RCAN3: variants seen among roughly 807,000 people sequenced by gnomAD.
The protein encoded by RCAN3 is calcipressin-3.
In RCAN3, 19 loss-of-function variants were observed where a neutral mutation model predicts 21.9. That is an observed-to-expected ratio of 0.87 (90% CI 0.61 to 1.27). RCAN3 has a LOEUF of 1.27. RCAN3 is among the 50% of genes most tolerant of loss of function. The pLI is 0.00. For synonymous variants in RCAN3, 114 were observed against 112.3 expected (o/e 1.01, Z -0.09); for missense variants, 240 against 300.1 (o/e 0.80, Z 1.48).
chr1:24,512,709 A>G (rs1301351050), intron 1 of RCAN3, among the ~76,000 whole-genome samples: 1 of 152,194 alleles, frequency 6.6e-6, no homozygotes, highest in Non-Finnish European at 1.5e-5. Flanking sequence ...GTATTGAGGT[A>G]GTAATCATAA....
At chr1:24,526,400 A>G (rs1306237518) in intron 2 of RCAN3, among the ~76,000 whole-genome samples, 1 of 151,638 alleles carries the variant, frequency 6.6e-6, no homozygotes, top group Non-Finnish European at 1.5e-5. Context: ...CAGGTATTGG[A>G]TTTTGGAAGA....
At chr1:24,527,822 G>A (rs1649398008) in intron 2 of RCAN3, among the ~76,000 whole-genome samples, 1 of 152,090 alleles carries the variant, frequency 6.6e-6, no homozygotes, top group Non-Finnish European at 1.5e-5. Flanking sequence ...TATGTTTTCT[G>A]TAAAGAAAAT....
chr1:24,535,394 A>T lies in RCAN3; in HGVS notation c.*117A>T. The T allele has an allele frequency of 1.7e-6, 2 of 1,163,628 alleles. No homozygotes were observed. The highest frequency in any genetic ancestry group is 1.2e-6 in the Non-Finnish European group (1 of 865,210). The allele number at this position is 1,163,628 out of a possible 1,614,324, so 72.1% of individuals were successfully genotyped here. A position where few individuals can be genotyped will look rare whatever the true frequency, so the allele number is the denominator to read the frequency against. Reference sequence around the variant, plus strand: ...GGTGAGACTCTGCCGAGTGAGGTATAGGTCTTCTCACCACGCCTGTACTGC... The same window carrying T: ...GGTGAGACTCTGCCGAGTGAGGTATTGGTCTTCTCACCACGCCTGTACTGC... On this transcript the variant is annotated 3_prime_UTR_variant, in exon 5 of 5. Coordinates refer to ENST00000374395, the MANE Select transcript of RCAN3 (RefSeq NM_013441.4).
chr1:24,522,234 C>T (rs771311161), intron 2 of RCAN3, among the ~76,000 whole-genome samples: 2 of 152,094 alleles, frequency 1.3e-5, no homozygotes, highest in Non-Finnish European at 2.9e-5. Context: ...TGTTTGGCTC[C>T]ACTTTAACCC....
At chr1:24,533,553 A>C (rs914374445) in intron 4 of RCAN3, among the ~76,000 whole-genome samples, 1 of 152,222 alleles carries the variant, frequency 6.6e-6, no homozygotes, top group Non-Finnish European at 1.5e-5. Flanking sequence ...TAATCCTAGC[A>C]CTTTGGGAGG....
intron 2 of RCAN3, among the ~76,000 whole-genome samples, chr1:24,517,016 C>A (rs1346403527): frequency 1.3e-5 from 2 of 151,768 alleles, no homozygotes; most frequent in African/African-American, 4.8e-5. Context: ...AGATGAATTG[C>A]CAATTTATGT....
At position 24,536,314 on chromosome 1, in the gene RCAN3, C is replaced by T. The variant is rs1650224022; in HGVS notation, c.*1037C>T. 1 of 152,178 alleles carries T rather than the reference C, an allele frequency of 6.6e-6. No homozygotes were observed. Among genetic ancestry groups the T allele is most frequent in the Non-Finnish European group, 1.5e-5 (1 of 68,030 alleles). The allele number at this position is 152,178 out of a possible 1,614,324, so 9.4% of individuals were successfully genotyped here. On this transcript the variant is annotated 3_prime_UTR_variant, in exon 5 of 5. Transcript: ENST00000374395. ...AGCTTGCTTTGAAACAAAAGTCACA[C>T]CTACTATTTTTCTATGAATTAGGGA...
At chr1:24,531,030 T>C (rs1228724263) in intron 2 of RCAN3, among the ~76,000 whole-genome samples, 188 bp from the exon 3 acceptor site, 1 of 152,148 alleles carries the variant, frequency 6.6e-6, no homozygotes, top group East Asian at 1.9e-4. Flanking sequence ...ATAAAGTAAG[T>C]GTAATTGCTA....
At chr1:24,504,662 A>G (rs1039941755) in intron 1 of RCAN3, among the ~76,000 whole-genome samples, 2 of 152,216 alleles carry the variant, frequency 1.3e-5, no homozygotes, top group Admixed American at 6.5e-5. Flanking sequence ...TGACGCGGAA[A>G]TCCATTAGCC....
chr1:24,535,298 G>T lies in RCAN3; in HGVS notation c.*21G>T. 1 of 1,514,714 alleles carries T rather than the reference G, an allele frequency of 6.6e-7. No homozygotes were observed. Among genetic ancestry groups the T allele is most frequent in the Non-Finnish European group, 8.8e-7 (1 of 1,138,814 alleles). The allele number at this position is 1,514,714 out of a possible 1,614,324, so 93.8% of individuals were successfully genotyped here. On this transcript the variant is annotated 3_prime_UTR_variant, in exon 5 of 5. Coordinates refer to ENST00000374395, the MANE Select transcript of RCAN3 (RefSeq NM_013441.4). The stretch of plus-strand genomic sequence containing the variant: ...TGTGAGGCCCTTGGTTGTGGTGCGA[G>T]GCGGCTGCCCTGGTGGGCTCTGGCC...
chr1:24,514,915 G>A (rs544605662), intron 2 of RCAN3, among the ~76,000 whole-genome samples: 1 of 151,076 alleles, frequency 6.6e-6, no homozygotes, highest in Non-Finnish European at 1.5e-5. Context: ...GTTGCAAAGA[G>A]CTGAGAACAT....
At chr1:24,514,164 A>T (rs1474307231) in intron 1 of RCAN3, 150 bp from the exon 2 acceptor site, 1 of 409,766 alleles carries the variant, frequency 2.4e-6, no homozygotes, top group African/African-American at 2.0e-5. Context: ...GAATTCACTT[A>T]CGAGGACTGT....
At chr1:24,518,073 C>G (rs150349762) in intron 2 of RCAN3, among the ~76,000 whole-genome samples, 55 of 152,144 alleles carry the variant, frequency 3.6e-4, no homozygotes, top group African/African-American at 1.3e-3. Flanking sequence ...ACCCATAGTC[C>G]CAGCACTTTG....
chr1:24,532,131 A>G (rs1014067772), intron 3 of RCAN3, among the ~76,000 whole-genome samples: 5 of 152,218 alleles, frequency 3.3e-5, no homozygotes, highest in Admixed American at 2.0e-4. Flanking sequence ...ATGGAGTACA[A>G]ATAAGTCCAT....
At chr1:24,514,231 A>G (rs916811128) in intron 1 of RCAN3, 83 bp from the exon 2 acceptor site, 1 of 593,710 alleles carries the variant, frequency 1.7e-6, no homozygotes, top group African/African-American at 1.9e-5. Context: ...TCATTTGATG[A>G]ATTGCAGCCT....
At chr1:24,505,709 A>G (rs1374390432) in intron 1 of RCAN3, among the ~76,000 whole-genome samples, 1 of 152,234 alleles carries the variant, frequency 6.6e-6, no homozygotes, top group Non-Finnish European at 1.5e-5. Context: ...GGACACTTGT[A>G]GAGCTGATAA....
rs1489914777 is a variant in RCAN3, at chr1:24,539,569, A to T, written c.*4292A>T. On this transcript the variant is annotated 3_prime_UTR_variant, in exon 5 of 5. Transcript: ENST00000374395. ...TGGAAATAAAAGAGTTTGCAGTGGA[A>T]TGATACTCTCACTCCGTGCTTGTAA... 1.3e-5 allele frequency: 2 copies of T among 152,262 alleles called. No homozygotes were observed. Among genetic ancestry groups the T allele is most frequent in the African/African-American group, 2.4e-5 (1 of 41,470 alleles). The allele number at this position is 152,262 out of a possible 1,614,324, so 9.4% of individuals were successfully genotyped here.
At chr1:24,516,986 G>T (rs1294248324) in intron 2 of RCAN3, among the ~76,000 whole-genome samples, 2 of 151,688 alleles carry the variant, frequency 1.3e-5, no homozygotes, top group Non-Finnish European at 2.9e-5. Flanking sequence ...TAACCTTGTT[G>T]TTTATTGTTG....
chr1:24,514,593 A>G lies in RCAN3; in HGVS notation c.195+26A>G. 3 of 1,599,904 alleles carry G rather than the reference A, an allele frequency of 1.9e-6. No homozygotes were observed. In the South Asian group the frequency reaches 3.4e-5, roughly 18 times the overall value. ...GTAGGCATCTATCCTCCCTTTCCCTACATTTGTAGCATGTTAAATGTGTAT... is the reference window on the plus strand; with the variant it reads ...GTAGGCATCTATCCTCCCTTTCCCTGCATTTGTAGCATGTTAAATGTGTAT... On this transcript the variant is annotated intron_variant, in intron 2 of 4. Transcript: ENST00000374395.
Sources: allele counts gnomAD v4.1 joint callset (sites outside exome capture counted in the v4.1 genomes callset), GRCh38; gene constraint gnomAD v4.1.1; transcripts MANE v1.5; gene names NCBI Gene and HGNC (gene_info 2026-07-23, HGNC 2026-07-21).